WDR70: variants seen among roughly 807,000 people sequenced by gnomAD.
WDR70 encodes the protein WD repeat domain 70, also known as WD repeat-containing protein 70.
In WDR70, 53 loss-of-function variants were observed where a neutral mutation model predicts 88.6. That is an observed-to-expected ratio of 0.60 (90% CI 0.48 to 0.75). The LOEUF is 0.75. Ranked by LOEUF, WDR70 falls within the 30% of genes least tolerant of loss-of-function variation. The pLI, the probability that WDR70 is intolerant of heterozygous loss-of-function variation, is 0.00. For missense variants in WDR70, 610 were observed against 823.2 expected (o/e 0.74, Z 3.17); for synonymous variants, 280 against 270.0 (o/e 1.04, Z -0.36).
At chr5:37,587,427 C>G (rs567881006) in intron 9 of WDR70, among the ~76,000 whole-genome samples, 1 of 151,998 alleles carries the variant, frequency 6.6e-6, no homozygotes, top group Admixed American at 6.6e-5. Context: ...ACTCCCCACC[C>G]CGACACCCGT....
chr5:37,721,977 G>A (rs1747828869), intron 14 of WDR70: 1 of 152,098 alleles, frequency 6.6e-6, no homozygotes, highest in Non-Finnish European at 1.5e-5. Context: ...ATCCTTTGAG[G>A]AAAGGAAAGC....
At chr5:37,572,280 G>A (rs1288431524) in intron 9 of WDR70, among the ~76,000 whole-genome samples, 2 of 152,062 alleles carry the variant, frequency 1.3e-5, no homozygotes, top group South Asian at 2.1e-4. Context: ...TGACTGTTGT[G>A]GTGGGACTGG....
At chr5:37,487,539 T>G (rs1739911460) in intron 8 of WDR70, among the ~76,000 whole-genome samples, 1 of 148,786 alleles carries the variant, frequency 6.7e-6, no homozygotes, top group Non-Finnish European at 1.5e-5. Context: ...ATTAAGTTGT[T>G]ATATTATTAA....
In WDR70 at chr5:37,631,999, C is replaced by T. The variant is rs143818375; in HGVS notation, c.1092+26761C>T. ...CTGTTACAGTTAATAAGGATCAAAA[C>T]GGAATACAAGTTGGAGAGGTCAGTT... is the stretch of plus-strand genomic sequence containing the variant. On this transcript the variant is annotated intron_variant, in intron 10 of 17. Coordinates refer to ENST00000265107, the MANE Select transcript of WDR70 (RefSeq NM_018034.4). Among the ~76,000 whole-genome samples, 130 of 152,230 alleles carry T rather than the reference C, an allele frequency of 8.5e-4. 1 individual carries two copies. The highest frequency in any genetic ancestry group is 2.9e-3 in the African/African-American group (121 of 41,554).
intron 9 of WDR70, among the ~76,000 whole-genome samples, chr5:37,576,157 A>C: frequency 8.5e-6 from 1 of 118,020 alleles, no homozygotes; most frequent in African/African-American, 3.3e-5. Flanking sequence ...CCCTCCCTAA[A>C]ATCCAGTGGT....
intron 8 of WDR70, among the ~76,000 whole-genome samples, chr5:37,486,052 T>C (rs561553978): frequency 2.0e-4 from 30 of 151,910 alleles, no homozygotes; most frequent in Non-Finnish European, 4.3e-4. Flanking sequence ...ACAACAAAAG[T>C]AGGTGTTGGT....
intron 9 of WDR70, among the ~76,000 whole-genome samples, chr5:37,532,849 T>C (rs1741539874): frequency 6.6e-6 from 1 of 152,166 alleles, no homozygotes; most frequent in Admixed American, 6.5e-5. Context: ...CTTTGTCATA[T>C]TGCCAGAGTT....
intron 10 of WDR70, among the ~76,000 whole-genome samples, chr5:37,632,312 C>T (rs1049076539): frequency 2.6e-5 from 4 of 152,030 alleles, no homozygotes; most frequent in African/African-American, 9.7e-5. Context: ...CTATACTATA[C>T]CTTTAGTGTA....
chr5:37,444,930 G>GA (rs1367003437), intron 7 of WDR70, among the ~76,000 whole-genome samples: 1 of 152,164 alleles, frequency 6.6e-6, no homozygotes, highest in East Asian at 1.9e-4. Flanking sequence ...ACTCCTATGA[G>GA]AATCGAATGC....
intron 9 of WDR70, among the ~76,000 whole-genome samples, chr5:37,591,891 A>G (rs1216629635): frequency 6.6e-6 from 1 of 152,248 alleles, no homozygotes; most frequent in Non-Finnish European, 1.5e-5. Context: ...AAAATCAGAC[A>G]ATATAATGCA....
chr5:37,689,375 T>G (rs1422312857), intron 10 of WDR70, among the ~76,000 whole-genome samples: 2 of 152,232 alleles, frequency 1.3e-5, no homozygotes, highest in Non-Finnish European at 1.5e-5. Context: ...ACGGACAGAC[T>G]GCCTCCTCAA....
intron 7 of WDR70, among the ~76,000 whole-genome samples, chr5:37,465,800 CTTT>C (rs138421248): frequency 4.2e-5 from 6 of 142,874 alleles, no homozygotes; most frequent in Admixed American, 7.0e-5. Flanking sequence ...AATTTCTAAA[CTTT>C]TTTTTTTTTT....
intron 17 of WDR70, 55 bp downstream of exon 17, chr5:37,727,100 G>T: frequency 1.3e-6 from 2 of 1,546,502 alleles, no homozygotes; most frequent in East Asian, 4.7e-5. Flanking sequence ...GAATTGGGGA[G>T]AACATAACAA....
chr5:37,503,290 T>C (rs746791881), intron 8 of WDR70, among the ~76,000 whole-genome samples: 21 of 152,066 alleles, frequency 1.4e-4, no homozygotes, highest in Non-Finnish European at 2.4e-4. Flanking sequence ...CAGGGGTACA[T>C]GTACAGGATG....
intron 9 of WDR70, among the ~76,000 whole-genome samples, chr5:37,601,689 A>G (rs1016773476): frequency 2.0e-5 from 3 of 152,076 alleles, no homozygotes; most frequent in Non-Finnish European, 4.4e-5. Flanking sequence ...TTACTGATTC[A>G]TTCTCCTTAC....
At chr5:37,678,262 G>A (rs13160030) in intron 10 of WDR70, among the ~76,000 whole-genome samples, 8,975 of 152,224 alleles carry the variant, frequency 0.059, 353 homozygotes, top group Non-Finnish European at 0.091. Flanking sequence ...GTGTGAATTT[G>A]ATCCTGTCAT....
chr5:37,533,424 T>A (rs1741558899), intron 9 of WDR70, among the ~76,000 whole-genome samples: 1 of 151,848 alleles, frequency 6.6e-6, no homozygotes, highest in South Asian at 2.1e-4. Flanking sequence ...AATCCCTGTC[T>A]CTACTTAAAA....
chr5:37,441,214 C>T (rs1162354403), intron 6 of WDR70, among the ~76,000 whole-genome samples: 1 of 152,196 alleles, frequency 6.6e-6, no homozygotes, highest in Non-Finnish European at 1.5e-5. Flanking sequence ...GCAGAAGTCA[C>T]TTCTAGATTT....
chr5:37,748,507 A>G (rs937155090), intron 17 of WDR70, among the ~76,000 whole-genome samples: 1 of 152,162 alleles, frequency 6.6e-6, no homozygotes, highest in African/African-American at 2.4e-5. Flanking sequence ...AACCATAAAA[A>G]CCCTAGAAGA....
Sources: gnomAD v4.1 joint callset for allele counts (sites outside exome capture counted in the v4.1 genomes callset) on GRCh38, gnomAD v4.1.1 for gene constraint, MANE v1.5 for transcripts, NCBI Gene and HGNC (gene_info 2026-07-23, HGNC 2026-07-21) for gene names.